ZFHX3: variants seen among roughly 807,000 people sequenced by gnomAD.
ZFHX3 encodes the protein zinc finger homeobox protein 3.
In ZFHX3, 42 loss-of-function variants were observed where a neutral mutation model predicts 279.1. The observed-to-expected ratio is 0.15, with a 90% CI of 0.12 to 0.19. The LOEUF (loss-of-function observed/expected upper bound fraction) is 0.19, where lower values mean the gene tolerates loss of function less well. ZFHX3 is among the 10% of genes least tolerant of loss of function. ZFHX3 has a pLI of 1.00. For synonymous variants in ZFHX3, 2,293 were observed against 1,957.8 expected (o/e 1.17, Z -4.52); for missense variants, 4,981 against 4,754.0 (o/e 1.05, Z -1.40).
At chr16:73,552,608 G>A (rs985133474) in intron 2 of ZFHX3, among the ~76,000 whole-genome samples, 1 of 152,060 alleles carries the variant, frequency 6.6e-6, no homozygotes, top group Non-Finnish European at 1.5e-5. Flanking sequence ...GACTTGGGAT[G>A]GGTTCTATAC....
intron 1 of ZFHX3, among the ~76,000 whole-genome samples, chr16:73,881,306 T>G (rs1020317015): frequency 2.0e-5 from 3 of 152,152 alleles, no homozygotes; most frequent in African/African-American, 7.2e-5. Context: ...TGTCACGACA[T>G]GCAGGAGAAT....
At chr16:73,414,387 C>A (rs1271142262) in intron 3 of ZFHX3, among the ~76,000 whole-genome samples, 2 of 152,242 alleles carry the variant, frequency 1.3e-5, no homozygotes, top group East Asian at 3.8e-4. Flanking sequence ...ATGTTTGTCC[C>A]TGTCTGTAAA....
intron 1 of ZFHX3, among the ~76,000 whole-genome samples, chr16:73,697,388 A>T (rs769455768): frequency 6.6e-6 from 1 of 152,244 alleles, no homozygotes; most frequent in Non-Finnish European, 1.5e-5. Flanking sequence ...CAAAACACAG[A>T]TGCAGACTGT....
At chr16:73,469,617 A>G (rs370902085) in intron 2 of ZFHX3, among the ~76,000 whole-genome samples, 2 of 148,554 alleles carry the variant, frequency 1.3e-5, no homozygotes, top group African/African-American at 5.0e-5. Flanking sequence ...AACCTCCAAT[A>G]TATATATATA....
intron 4 of ZFHX3, among the ~76,000 whole-genome samples, chr16:72,832,225 C>G (rs192292018): frequency 8.5e-5 from 13 of 152,250 alleles, no homozygotes; most frequent in Admixed American, 2.6e-4. Context: ...CACAGTCACC[C>G]AACACTGACC....
intron 2 of ZFHX3, among the ~76,000 whole-genome samples, chr16:73,626,596 C>T (rs1166075278): frequency 1.3e-5 from 2 of 152,152 alleles, no homozygotes; most frequent in Non-Finnish European, 2.9e-5. Flanking sequence ...AAGACCTAGC[C>T]ATAGGATCAC....
chr16:73,597,823 A>C (rs1052813487), intron 2 of ZFHX3, among the ~76,000 whole-genome samples: 6 of 152,258 alleles, frequency 3.9e-5, no homozygotes, highest in Admixed American at 6.5e-5. Flanking sequence ...CACATAGTTC[A>C]TGCTGATGTA....
At chr16:72,961,753 G>A (rs759620566) in intron 1 of ZFHX3, among the ~76,000 whole-genome samples, 1 of 152,044 alleles carries the variant, frequency 6.6e-6, no homozygotes, top group Non-Finnish European at 1.5e-5. Context: ...GAAGAATAAA[G>A]CTATGATGTG....
intron 5 of ZFHX3, among the ~76,000 whole-genome samples, chr16:73,155,708 A>G (rs1364277492): frequency 1.3e-5 from 2 of 152,104 alleles, no homozygotes; most frequent in Non-Finnish European, 2.9e-5. Context: ...ATGTAACCCC[A>G]GCTACTCGGG....
chr16:72,873,155 T>G (rs1304493572), intron 4 of ZFHX3, among the ~76,000 whole-genome samples: 1 of 152,242 alleles, frequency 6.6e-6, no homozygotes, highest in Non-Finnish European at 1.5e-5. Flanking sequence ...TGGGCGTATT[T>G]TTCACATCCT....
rs150082518 is a variant in ZFHX3, at chr16:73,243,769, T to C, written c.-1104+13278A>G. Reference sequence around the variant, plus strand: ...TTGTGTGTGTGTGTGTGTGTGTGTATAGTCTGTTCAGTGGCTTAATTTGGA... The same window carrying C: ...TTGTGTGTGTGTGTGTGTGTGTGTACAGTCTGTTCAGTGGCTTAATTTGGA... On this transcript the variant is annotated intron_variant, in intron 5 of 17. Transcript: ENST00000641206. Among the ~76,000 whole-genome samples, 49 of 152,284 alleles carry C rather than the reference T, an allele frequency of 3.2e-4. No homozygotes were observed. In the East Asian group the frequency reaches 8.9e-3, roughly 28 times the overall value.
chr16:73,226,857 C>T lies in ZFHX3; in HGVS notation c.-1104+30190G>A, dbSNP rs145508918. 4.3e-4 allele frequency among the ~76,000 whole-genome samples: 65 copies of T among 152,300 alleles called. 1 individual carries two copies. Among genetic ancestry groups the T allele is most frequent in the Admixed American group, 1.4e-3 (21 of 15,298 alleles). On this transcript the variant is annotated intron_variant, in intron 5 of 17. Transcript: ENST00000641206. ...AAGCAGAGGAGGGATCTTCTAGCGC[C>T]TTCACGTGACTGACGTATGGCTTGG...
intron 1 of ZFHX3, among the ~76,000 whole-genome samples, chr16:73,887,159 C>G (rs1246654856): frequency 6.6e-6 from 1 of 152,096 alleles, no homozygotes; most frequent in East Asian, 1.9e-4. Flanking sequence ...TTAATATATG[C>G]TAAGGATTAT....
intron 2 of ZFHX3, among the ~76,000 whole-genome samples, chr16:72,956,169 T>C (rs961753299): frequency 5.3e-5 from 8 of 152,170 alleles, no homozygotes; most frequent in Admixed American, 6.5e-5. Context: ...ATATAACTCA[T>C]CGGCAACAAT....
intron 3 of ZFHX3, among the ~76,000 whole-genome samples, chr16:72,915,762 TAAA>T (rs35736633): frequency 3.2e-5 from 4 of 125,984 alleles, no homozygotes; most frequent in Non-Finnish European, 6.9e-5. Flanking sequence ...GACTCTGTCA[TAAA>T]AAAAAAAAAA....
intron 3 of ZFHX3, among the ~76,000 whole-genome samples, chr16:72,909,148 G>A (rs1255116070): frequency 6.6e-6 from 1 of 152,214 alleles, no homozygotes; most frequent in Non-Finnish European, 1.5e-5. Context: ...GCGGTTTGGG[G>A]AGAATAATGT....
rs1409491957 is a variant in ZFHX3, at chr16:72,792,952, T to C, written c.9427+303A>G. On this transcript the variant is annotated intron_variant, in intron 9 of 9. Coordinates refer to ENST00000268489, the MANE Select transcript of ZFHX3 (RefSeq NM_006885.4). ...CACAAGGACTGAATGAAAGGGTCTA[T>C]GATAAAAACTTGTTTCTTGAAATAT... is the stretch of plus-strand genomic sequence containing the variant. Among the ~76,000 whole-genome samples, 4 of 152,248 alleles carry C rather than the reference T, an allele frequency of 2.6e-5. No individual in the cohort carries two copies. In the East Asian group the frequency reaches 7.7e-4, roughly 29 times the overall value.
At chr16:73,719,094 C>T (rs1394024776) in intron 1 of ZFHX3, among the ~76,000 whole-genome samples, 2 of 152,172 alleles carry the variant, frequency 1.3e-5, no homozygotes, top group Non-Finnish European at 2.9e-5. Context: ...TTCAAATCTC[C>T]CTGTGTATCA....
intron 8 of ZFHX3, among the ~76,000 whole-genome samples, chr16:73,070,933 C>T (rs1185300639): frequency 3.5e-5 from 1 of 28,258 alleles, no homozygotes; most frequent in Non-Finnish European, 8.8e-5. Flanking sequence ...CGCGCGCGCG[C>T]GCGCGCACAC....
Sources: gnomAD v4.1 joint callset for allele counts (sites outside exome capture counted in the v4.1 genomes callset) on GRCh38, gnomAD v4.1.1 for gene constraint, MANE v1.5 for transcripts, NCBI Gene and HGNC (gene_info 2026-07-23, HGNC 2026-07-21) for gene names.